The following ERC1 variants were observed in gnomAD, a reference collection of about 807,000 sequenced individuals.
ERC1 encodes ELKS/RAB6-interacting/CAST family member 1, also known as RAB6 interacting protein 2.
A neutral mutation model predicts 132.0 loss-of-function variants in ERC1; 56 were observed. That is an observed-to-expected ratio of 0.42 (90% CI 0.34 to 0.53). The LOEUF is 0.53. ERC1 is among the 20% of genes least tolerant of loss of function. The pLI is 0.03. For missense variants in ERC1, 1,202 were observed against 1,349.9 expected (o/e 0.89, Z 1.72); for synonymous variants, 478 against 476.1 (o/e 1.00, Z -0.05).
At chr12:1,099,835 A>ATTTTT (rs779732035) in intron 3 of ERC1, among the ~76,000 whole-genome samples, 9 of 54,396 alleles carry the variant, frequency 1.7e-4, no homozygotes, top group East Asian at 6.7e-4. Context: ...TGAGACTTTG[A>ATTTTT]TTTTTTTTTT....
chr12:1,166,058 G>A (rs1031968994), intron 8 of ERC1, among the ~76,000 whole-genome samples: 3 of 152,134 alleles, frequency 2.0e-5, no homozygotes, highest in African/African-American at 7.2e-5. Flanking sequence ...AATGAGTTAA[G>A]GCTTTGGGGG....
intron 8 of ERC1, among the ~76,000 whole-genome samples, chr12:1,168,479 C>CTTTTTTTTTTTTTTTTTTTTTTTTT (rs746267742): frequency 1.1e-5 from 1 of 91,986 alleles, no homozygotes. Context: ...AGTGACTGGT[C>CTTTTTTTTTTTTTTTTTTTTTTTTT]TTTTTTTTTT....
chr12:1,253,464 G>A (rs576815461), intron 13 of ERC1, among the ~76,000 whole-genome samples: 8 of 152,212 alleles, frequency 5.3e-5, no homozygotes, highest in African/African-American at 1.9e-4. Flanking sequence ...ATCACCTGAG[G>A]TCAGGAGTTC....
At chr12:1,318,952 T>C (rs1198449039) in intron 15 of ERC1, among the ~76,000 whole-genome samples, 1 of 152,054 alleles carries the variant, frequency 6.6e-6, no homozygotes, top group Non-Finnish European at 1.5e-5. Context: ...AAATTTACTG[T>C]GTAATTCTCA....
At chr12:1,188,792 C>T (rs934123249) in intron 11 of ERC1, among the ~76,000 whole-genome samples, 1 of 151,998 alleles carries the variant, frequency 6.6e-6, no homozygotes, top group African/African-American at 2.4e-5. Context: ...TATATTTTCT[C>T]CTTTAATATT....
At chr12:1,096,854 C>T (rs1317815537) in intron 3 of ERC1, among the ~76,000 whole-genome samples, 2 of 152,176 alleles carry the variant, frequency 1.3e-5, no homozygotes, top group African/African-American at 4.8e-5. Context: ...CGTGAACCAA[C>T]CCAGCCAGAA....
chr12:1,125,589 G>A lies in ERC1; in HGVS notation c.1569+9556G>A, dbSNP rs927669480. On this transcript the variant is annotated intron_variant, in intron 7 of 18. Coordinates refer to ENST00000360905, the MANE Select transcript of ERC1 (RefSeq NM_178040.4). The stretch of plus-strand genomic sequence containing the variant: ...CCAGCACTTTGGGAGGCTGAGGCAG[G>A]TGGATTATCTGAGGTCAGGAGTTCA... 3.9e-5 allele frequency among the ~76,000 whole-genome samples: 6 copies of A among 152,214 alleles called. No homozygotes were observed. In the South Asian group the frequency reaches 1.2e-3, roughly 32 times the overall value.
At chr12:1,310,462 G>C (rs2081228257) in intron 15 of ERC1, among the ~76,000 whole-genome samples, 1 of 152,130 alleles carries the variant, frequency 6.6e-6, no homozygotes, top group Admixed American at 6.5e-5. Flanking sequence ...GCCTGCCTTG[G>C]CCTCCCAAAG....
intron 15 of ERC1, among the ~76,000 whole-genome samples, chr12:1,327,586 T>C (rs73036651): frequency 0.035 from 5,262 of 152,304 alleles, 98 homozygotes; most frequent in Middle Eastern, 0.075. Flanking sequence ...TGATGGTCTC[T>C]ATGAGTCCAC....
intron 12 of ERC1, among the ~76,000 whole-genome samples, chr12:1,236,533 T>C (rs1236317615): frequency 6.6e-6 from 1 of 152,244 alleles, no homozygotes; most frequent in Non-Finnish European, 1.5e-5. Flanking sequence ...TATGATTTCA[T>C]TGTTCTTCGT....
At chr12:1,405,180 T>C (rs1484852359) in intron 16 of ERC1, among the ~76,000 whole-genome samples, 1 of 137,290 alleles carries the variant, frequency 7.3e-6, no homozygotes, top group Non-Finnish European at 1.6e-5. Context: ...AATAAATAAA[T>C]ATAAATAAAA....
intron 12 of ERC1, among the ~76,000 whole-genome samples, chr12:1,209,902 G>A (rs541473547): frequency 6.6e-6 from 1 of 152,026 alleles, no homozygotes; most frequent in Non-Finnish European, 1.5e-5. Context: ...TATAAAAATC[G>A]ACCTTTCCTT....
At chr12:1,365,958 C>T (rs1158823130) in intron 15 of ERC1, among the ~76,000 whole-genome samples, 1 of 152,084 alleles carries the variant, frequency 6.6e-6, no homozygotes, top group South Asian at 2.1e-4. Context: ...TGAAATAAGC[C>T]AGTCACAAAA....
chr12:1,322,803 G>A (rs1397226245), intron 15 of ERC1, among the ~76,000 whole-genome samples: 1 of 152,008 alleles, frequency 6.6e-6, no homozygotes, highest in Non-Finnish European at 1.5e-5. Context: ...CTCCAGCCTG[G>A]CGACCTTAAT....
intron 17 of ERC1, among the ~76,000 whole-genome samples, chr12:1,427,816 A>G (rs1406604203): frequency 6.6e-6 from 1 of 152,224 alleles, no homozygotes; most frequent in East Asian, 1.9e-4. Context: ...TTTGCCTGAC[A>G]TATAGGACGT....
At position 1,489,097 on chromosome 12, in the gene ERC1, C is replaced by T. The variant is rs144592984; in HGVS notation, c.3214-996C>T. Among the ~76,000 whole-genome samples the T allele has an allele frequency of 9.6e-3, 1,458 of 152,306 alleles. 23 individuals are homozygous for T. Among genetic ancestry groups the T allele is most frequent in the African/African-American group, 0.033 (1,375 of 41,548 alleles). On this transcript the variant is annotated intron_variant, in intron 18 of 18. Coordinates refer to ENST00000360905, the MANE Select transcript of ERC1 (RefSeq NM_178040.4). ...CTTCACGTGCTCAGTCTGGCCCTCG[C>T]GTGTGTTTTCAGCTCCATTTCCTGT...
chr12:1,471,905 G>C (rs564924859), intron 18 of ERC1, among the ~76,000 whole-genome samples: 2 of 152,212 alleles, frequency 1.3e-5, no homozygotes, highest in Non-Finnish European at 2.9e-5. Flanking sequence ...AGGCGTGATA[G>C]ATACATATTA....
In ERC1 at chr12:1,027,908, A is replaced by G. The variant is rs771983448; in HGVS notation, c.5A>G (p.Tyr2Cys). 1.9e-6 allele frequency: 3 copies of G among 1,601,690 alleles called. No homozygotes were observed. Among genetic ancestry groups the G allele is most frequent in the East Asian group, 2.2e-5 (1 of 44,624 alleles). ...ACCTTTCCTGACCTTGCAACCATGT[A>G]TGGAAGTGCCCGCTCTGTTGGGAAG... is the stretch of plus-strand genomic sequence containing the variant. M[Y>C]GSARSVGKVE... is the part of the protein sequence containing the mutation. Residue 2 changes from tyrosine to cysteine, a missense_variant, in exon 2 of 19, where the codon TAT becomes TGT. Coordinates refer to ENST00000360905, the MANE Select transcript of ERC1 (RefSeq NM_178040.4).
intron 8 of ERC1, among the ~76,000 whole-genome samples, chr12:1,143,000 G>A (rs1949991675): frequency 3.3e-5 from 5 of 152,190 alleles, no homozygotes; most frequent in Admixed American, 3.3e-4. Context: ...CTGGGTTCGA[G>A]TGATTCCCCT....
Sources: gnomAD v4.1 joint callset for allele counts (sites outside exome capture counted in the v4.1 genomes callset) on GRCh38, gnomAD v4.1.1 for gene constraint, MANE v1.5 for transcripts, NCBI Gene and HGNC (gene_info 2026-07-23, HGNC 2026-07-21) for gene names.